Variants in KIAA1217 observed in about 807,000 individuals in gnomAD.
KIAA1217 encodes KIAA1217.
A neutral mutation model predicts 163.9 loss-of-function variants in KIAA1217; 88 were observed. That is an observed-to-expected ratio of 0.54 (90% confidence interval 0.45 to 0.64). KIAA1217 has a LOEUF of 0.64. KIAA1217 is among the 30% of genes least tolerant of loss of function. The pLI, the probability that KIAA1217 is intolerant of heterozygous loss-of-function variation, is 0.00. For missense variants in KIAA1217, 2,372 were observed against 2,475.0 expected, an observed-to-expected ratio of 0.96 and a Z score of 0.88; for synonymous variants, 903 against 923.1, an observed-to-expected ratio of 0.98 and a Z score of 0.39.
intron 10 of KIAA1217, among the ~76,000 whole-genome samples, chr10:24,516,962 C>A (rs1247931772): frequency 6.6e-6 from 1 of 151,996 alleles, no homozygotes; most frequent in East Asian, 1.9e-4. Flanking sequence ...GAATTCAAGA[C>A]CAGCCTGGGC....
intron 1 of KIAA1217, among the ~76,000 whole-genome samples, chr10:23,891,948 A>C (rs972909742): frequency 5.3e-5 from 8 of 151,898 alleles, no homozygotes; most frequent in African/African-American, 1.9e-4. Flanking sequence ...CAACTTATAA[A>C]TCTCTGAAGG....
intron 1 of KIAA1217, among the ~76,000 whole-genome samples, chr10:23,899,362 TG>T (rs138019982): frequency 6.6e-6 from 1 of 152,162 alleles, no homozygotes; most frequent in East Asian, 1.9e-4. Flanking sequence ...GCCAATCTGG[TG>T]GGTGTGAAAT....
At chr10:24,084,352 A>G (rs1236346166) in intron 2 of KIAA1217, among the ~76,000 whole-genome samples, 2 of 152,202 alleles carry the variant, frequency 1.3e-5, no homozygotes, top group Non-Finnish European at 2.9e-5. Context: ...TTACATCTCT[A>G]TCCTCAGTAG....
chr10:23,898,831 A>T (rs981888095), intron 1 of KIAA1217, among the ~76,000 whole-genome samples: 2 of 152,022 alleles, frequency 1.3e-5, no homozygotes, highest in African/African-American at 4.8e-5. Flanking sequence ...ATCATACAGT[A>T]TTTGTCTTTT....
At chr10:23,992,910 C>T (rs562094635) in intron 1 of KIAA1217, among the ~76,000 whole-genome samples, 7 of 151,622 alleles carry the variant, frequency 4.6e-5, no homozygotes, top group African/African-American at 1.2e-4. Flanking sequence ...ACCAACACTG[C>T]GGGACAATGG....
chr10:23,926,772 A>G (rs1843039171), intron 1 of KIAA1217, among the ~76,000 whole-genome samples: 1 of 151,430 alleles, frequency 6.6e-6, no homozygotes, highest in Non-Finnish European at 1.5e-5. Context: ...GTGCCTGGAA[A>G]ATTGTTACCT....
chr10:24,027,512 A>T (rs1848009943), intron 2 of KIAA1217, among the ~76,000 whole-genome samples: 1 of 152,164 alleles, frequency 6.6e-6, no homozygotes, highest in African/African-American at 2.4e-5. Context: ...CAAACAGAAA[A>T]TGCAACTTTA....
chr10:23,835,797 A>G (rs1413843379), intron 1 of KIAA1217, among the ~76,000 whole-genome samples: 1 of 152,018 alleles, frequency 6.6e-6, no homozygotes, highest in Admixed American at 6.6e-5. Flanking sequence ...TTGATGTCTC[A>G]TCACACCACA....
At chr10:24,515,380 C>T (rs7898307) in intron 10 of KIAA1217, among the ~76,000 whole-genome samples, 43,973 of 150,352 alleles carry the variant, frequency 0.29, 6,577 homozygotes, top group Middle Eastern at 0.39. Context: ...TAAATTTCTT[C>T]TTTTTAAAAA....
At chr10:23,724,442 C>A (rs1054776880) in intron 1 of KIAA1217, among the ~76,000 whole-genome samples, 24 of 151,936 alleles carry the variant, frequency 1.6e-4, no homozygotes, top group Non-Finnish European at 7.4e-5. Context: ...ATTTAATTAA[C>A]AATTTTCTAT....
chr10:24,224,446 C>T (rs954748906), intron 2 of KIAA1217, among the ~76,000 whole-genome samples: 1 of 151,806 alleles, frequency 6.6e-6, no homozygotes, highest in African/African-American at 2.4e-5. Context: ...TTAAGCCATT[C>T]TTGTGCCTCA....
rs558733785 is a variant in KIAA1217, at chr10:24,127,543, G to A, written c.-170-92083G>A. 3.9e-5 allele frequency among the ~76,000 whole-genome samples: 6 copies of A among 152,108 alleles called. No individual in the cohort carries two copies. The South Asian group carries it at 6.2e-4, about 16-fold the overall frequency. On this transcript the variant is annotated intron_variant, in intron 2 of 18. Transcript: ENST00000376462. ...GTTCCTGACAAATCCTTTTACAGCCGGTGTACAGCTTTGTAATCAAATTCT... is the reference window on the plus strand; with the variant it reads ...GTTCCTGACAAATCCTTTTACAGCCAGTGTACAGCTTTGTAATCAAATTCT...
chr10:24,125,167 G>A (rs1652804108), intron 2 of KIAA1217, among the ~76,000 whole-genome samples: 2 of 152,166 alleles, frequency 1.3e-5, no homozygotes, highest in Non-Finnish European at 2.9e-5. Flanking sequence ...AGCTACTTGG[G>A]AGGCTAAGGC....
At chr10:23,801,526 G>A (rs189855949) in intron 1 of KIAA1217, among the ~76,000 whole-genome samples, 3 of 152,276 alleles carry the variant, frequency 2.0e-5, no homozygotes, top group Admixed American at 6.5e-5. Flanking sequence ...CTGATCGTCT[G>A]ATAGTCTGAC....
chr10:24,461,162 G>A (rs542583934), intron 5 of KIAA1217, among the ~76,000 whole-genome samples: 33 of 152,194 alleles, frequency 2.2e-4, no homozygotes, highest in African/African-American at 7.7e-4. Context: ...ATTCTACATA[G>A]ATCAACATCA....
At chr10:23,770,836 G>A (rs1392578150) in intron 1 of KIAA1217, among the ~76,000 whole-genome samples, 1 of 152,190 alleles carries the variant, frequency 6.6e-6, no homozygotes, top group Non-Finnish European at 1.5e-5. Context: ...TCAATGAAAT[G>A]GGGGAGTCTG....
intron 1 of KIAA1217, among the ~76,000 whole-genome samples, chr10:23,812,329 C>T (rs1280880383): frequency 6.6e-6 from 1 of 152,140 alleles, no homozygotes; most frequent in Non-Finnish European, 1.5e-5. Flanking sequence ...TACACAGTCA[C>T]ATTATTACTT....
At chr10:23,839,965 CAGAACACAGCTCCT>C (rs1334431753) in intron 1 of KIAA1217, among the ~76,000 whole-genome samples, 23 of 152,212 alleles carry the variant, frequency 1.5e-4, no homozygotes, top group African/African-American at 5.1e-4. Flanking sequence ...CCAGCTGCTG[CAGAACACAGCTCCT>C]ATATTAGGTT....
chr10:24,501,609 T>C lies in KIAA1217; in HGVS notation c.2001+64T>C, dbSNP rs2067595774. On this transcript the variant is annotated intron_variant, in intron 9 of 20. Transcript: ENST00000376454. ...TGAGCTCTTCCTACCTTCCTTTTCC[T>C]AGGGGCTCCGTGAAGACCTAGAGAA... The C allele has an allele frequency of 3.4e-6, 5 of 1,488,806 alleles. No homozygotes were observed. The East Asian group carries it at 1.1e-4, about 34-fold the overall frequency. 92.2% of individuals were successfully genotyped at this position (1,488,806 alleles called of 1,614,324 possible). A position where few individuals can be genotyped will look rare whatever the true frequency, so the allele number is the denominator to read the frequency against.
Sources: gnomAD v4.1 joint callset for allele counts (sites outside exome capture counted in the v4.1 genomes callset) on GRCh38, gnomAD v4.1.1 for gene constraint, MANE v1.5 for transcripts, NCBI Gene and HGNC (gene_info 2026-07-23, HGNC 2026-07-21) for gene names.